The following CNTNAP4 variants were observed in gnomAD, a reference collection of about 807,000 sequenced individuals.
The protein encoded by CNTNAP4 is contactin associated protein family member 4.
A neutral mutation model predicts 148.4 loss-of-function variants in CNTNAP4; 98 were observed. That is an observed-to-expected ratio of 0.66 (90% CI 0.56 to 0.78). The LOEUF is 0.78. CNTNAP4 is among the 30% of genes least tolerant of loss of function. CNTNAP4 has a pLI of 0.00. For missense variants in CNTNAP4, 1,935 were observed against 1,565.6 expected (o/e 1.24, Z -3.98); for synonymous variants, 730 against 565.1 (o/e 1.29, Z -4.14).
At chr16:76,391,649 A>G (rs2017007502) in intron 3 of CNTNAP4, among the ~76,000 whole-genome samples, 1 of 152,082 alleles carries the variant, frequency 6.6e-6, no homozygotes, top group Non-Finnish European at 1.5e-5. Flanking sequence ...CCCAATCAGA[A>G]CCTCTGAGTG....
intron 2 of CNTNAP4, among the ~76,000 whole-genome samples, chr16:76,354,812 G>A (rs781237893): frequency 6.6e-6 from 1 of 152,152 alleles, no homozygotes; most frequent in Non-Finnish European, 1.5e-5. Context: ...ACATCTTGAG[G>A]CCAGGAACTA....
intron 1 of CNTNAP4, among the ~76,000 whole-genome samples, chr16:76,295,698 AGGAGTGGCCAATTC>A (rs1346981469): frequency 6.6e-6 from 1 of 152,258 alleles, no homozygotes; most frequent in Non-Finnish European, 1.5e-5. Context: ...TGTGAGAGGA[AGGAGTGGCCAATTC>A]AAGTTGGTGG....
At chr16:76,399,096 C>T (rs2078313319) in intron 3 of CNTNAP4, among the ~76,000 whole-genome samples, 1 of 152,160 alleles carries the variant, frequency 6.6e-6, no homozygotes, top group South Asian at 2.1e-4. Context: ...CTTTGCTTCT[C>T]CTTTGCCTGC....
At chr16:76,327,762 A>G (rs1176977576) in intron 2 of CNTNAP4, among the ~76,000 whole-genome samples, 1 of 152,194 alleles carries the variant, frequency 6.6e-6, no homozygotes, top group Non-Finnish European at 1.5e-5. Flanking sequence ...GCCAAAGAGG[A>G]TGAGAGCTGA....
chr16:76,521,952 C>T (rs187461468), intron 16 of CNTNAP4, 87 bp from the exon 17 acceptor site: 8 of 1,167,184 alleles, frequency 6.9e-6, no homozygotes, highest in South Asian at 1.2e-5. Context: ...GCGATTGTTA[C>T]GCTGTAGTGT....
intron 1 of CNTNAP4, among the ~76,000 whole-genome samples, chr16:76,284,041 T>C (rs1257776355): frequency 6.6e-6 from 1 of 152,026 alleles, no homozygotes; most frequent in Non-Finnish European, 1.5e-5. Flanking sequence ...TGCTCTAGTG[T>C]TTCAATTATT....
rs563394802 is a variant in CNTNAP4, at chr16:76,383,684, A to G, written c.390+28173A>G. ...ATACAGAACTATTGTGAAATTTTAG[A>G]TGTGACAATTGTGTTTTTGTTTTAT... On this transcript the variant is annotated intron_variant, in intron 3 of 23. Coordinates refer to ENST00000611870, the MANE Select transcript of CNTNAP4 (RefSeq NM_033401.5). Among the ~76,000 whole-genome samples, 3 of 152,328 alleles carry G rather than the reference A, an allele frequency of 2.0e-5. No homozygotes were observed. In the East Asian group the frequency reaches 5.8e-4, roughly 29 times the overall value.
At chr16:76,355,539 T>C in intron 3 of CNTNAP4, 28 bp downstream of exon 3, 1 of 1,541,964 alleles carries the variant, frequency 6.5e-7, no homozygotes, top group Non-Finnish European at 8.8e-7. Context: ...AGACATAGTC[T>C]CTCGGGGAAA....
At chr16:76,391,353 A>T (rs965239138) in intron 3 of CNTNAP4, among the ~76,000 whole-genome samples, 3 of 152,154 alleles carry the variant, frequency 2.0e-5, no homozygotes, top group Non-Finnish European at 4.4e-5. Context: ...CCCACCTCCA[A>T]TGTTCTTTCC....
At chr16:76,362,760 G>A (rs2013591826) in intron 3 of CNTNAP4, among the ~76,000 whole-genome samples, 1 of 152,134 alleles carries the variant, frequency 6.6e-6, no homozygotes, top group South Asian at 2.1e-4. Flanking sequence ...AGGGTGGAGG[G>A]TGGGAGGAGG....
At chr16:76,532,483 A>G (rs1041917683) in intron 17 of CNTNAP4, among the ~76,000 whole-genome samples, 2 of 152,182 alleles carry the variant, frequency 1.3e-5, no homozygotes, top group Non-Finnish European at 2.9e-5. Context: ...CAAGTTATTT[A>G]GTTACGTTGT....
intron 1 of CNTNAP4, among the ~76,000 whole-genome samples, chr16:76,287,357 G>A (rs984173590): frequency 6.6e-6 from 1 of 152,088 alleles, no homozygotes; most frequent in East Asian, 1.9e-4. Flanking sequence ...AATTTGCTAC[G>A]CTTAACACGC....
chr16:76,470,017 C>T (rs902415694), intron 10 of CNTNAP4, among the ~76,000 whole-genome samples: 3 of 152,082 alleles, frequency 2.0e-5, no homozygotes, highest in Non-Finnish European at 4.4e-5. Flanking sequence ...AATCTGTGTA[C>T]CAGGCCTTAT....
chr16:76,489,740 A>G lies in CNTNAP4; in HGVS notation c.1937A>G (p.Asn646Ser). The G allele has an allele frequency of 6.2e-7, 1 of 1,605,318 alleles. No individual in the cohort carries two copies. The highest frequency in any genetic ancestry group is 1.1e-5 in the South Asian group (1 of 89,084). ...GGCTCTGACTTAACAAGAGTCAGAA[A>G]TACTAATCCAGAGAACCCATATGCT... Reference protein sequence around the residue: ...HNGSDLTRVRNTNPENPYAGF... With the variant: ...HNGSDLTRVRSTNPENPYAGF... Residue 646 changes from asparagine to serine, a missense_variant, in exon 13 of 24, where the codon AAT becomes AGT. Transcript: ENST00000611870.
In CNTNAP4 at chr16:76,462,777, A is replaced by G. The variant is rs1263922626; in HGVS notation, c.1483+672A>G. On this transcript the variant is annotated intron_variant, in intron 9 of 23. Transcript: ENST00000611870. ...ATTAAAACAAATGTTCTTTTCCGTT[A>G]GAAATCCAATGTTTTAAAACTGCCA... Among the ~76,000 whole-genome samples, 7 of 152,226 alleles carry G rather than the reference A, an allele frequency of 4.6e-5. No individual in the cohort carries two copies. The East Asian group carries it at 1.3e-3, about 29-fold the overall frequency.
intron 21 of CNTNAP4, among the ~76,000 whole-genome samples, chr16:76,548,254 C>T (rs984154614): frequency 4.7e-5 from 7 of 149,616 alleles, no homozygotes; most frequent in South Asian, 2.1e-4. Context: ...AGTAAGAGTG[C>T]ACCATTCAGT....
At position 76,531,323 on chromosome 16, in the gene CNTNAP4, C is replaced by T. The variant is rs146016466; in HGVS notation, c.2756-4222C>T. 2.5e-3 allele frequency among the ~76,000 whole-genome samples: 388 copies of T among 152,220 alleles called. 1 individual carries two copies. Among genetic ancestry groups the T allele is most frequent in the African/African-American group, 8.7e-3 (362 of 41,540 alleles). On this transcript the variant is annotated intron_variant, in intron 17 of 23. Transcript: ENST00000611870. ...TCTACTCCATGACAATAACGTCTGT[C>T]GCTTATAGTAATTTCCTGAGAATAA...
At chr16:76,380,594 TG>T (rs1169097845) in intron 3 of CNTNAP4, among the ~76,000 whole-genome samples, 1 of 152,202 alleles carries the variant, frequency 6.6e-6, no homozygotes, top group East Asian at 1.9e-4. Context: ...GACTAAGACA[TG>T]GTTTGAAACT....
chr16:76,363,416 C>T (rs970367435), intron 3 of CNTNAP4, among the ~76,000 whole-genome samples: 2 of 152,028 alleles, frequency 1.3e-5, no homozygotes, highest in Admixed American at 6.6e-5. Flanking sequence ...CCCACCTTGG[C>T]CTCCCAAAGT....
Sources: allele counts gnomAD v4.1 joint callset (sites outside exome capture counted in the v4.1 genomes callset), GRCh38; gene constraint gnomAD v4.1.1; transcripts MANE v1.5; gene names NCBI Gene and HGNC (gene_info 2026-07-23, HGNC 2026-07-21).